The following AQP9 variants were observed in gnomAD, a reference collection of about 807,000 sequenced individuals.
The protein encoded by AQP9 is aquaporin 9.
Under a neutral mutation model 23.8 loss-of-function variants are expected in AQP9, and 19 were observed. That is an observed-to-expected ratio of 0.80 (90% CI 0.56 to 1.17). AQP9 has a LOEUF of 1.17. Among genes scored for constraint, AQP9 ranks in the 50% most tolerant of loss-of-function variants. The pLI is 0.00. For synonymous variants in AQP9, 153 were observed against 131.5 expected, an observed-to-expected ratio of 1.16 and a Z score of -1.12; for missense variants, 413 against 362.0, an observed-to-expected ratio of 1.14 and a Z score of -1.14.
intron 1 of AQP9, chr15:58,150,721 C>T (rs1275061045): frequency 6.6e-6 from 1 of 152,092 alleles, no homozygotes; most frequent in Admixed American, 6.6e-5. Flanking sequence ...TAGAAAAATC[C>T]AGCCCTTATG....
At chr15:58,141,066 A>T (rs753072448) in intron 1 of AQP9, among the ~76,000 whole-genome samples, 29 of 152,180 alleles carry the variant, frequency 1.9e-4, no homozygotes, top group Non-Finnish European at 3.2e-4. Flanking sequence ...GCTAGCTCTA[A>T]TTTGGCCTTT....
At chr15:58,183,687 G>A (rs969589930) in intron 5 of AQP9, among the ~76,000 whole-genome samples, 1 of 151,822 alleles carries the variant, frequency 6.6e-6, no homozygotes, top group African/African-American at 2.4e-5. Flanking sequence ...CTTAACGATG[G>A]GCTCAGGCAC....
At chr15:58,173,257 AAGTC>A (rs1566989337) in intron 3 of AQP9, 52 bp downstream of exon 3, 13 of 1,606,128 alleles carry the variant, frequency 8.1e-6, no homozygotes, top group Non-Finnish European at 1.0e-5. Context: ...CATAATTTGA[AAGTC>A]AGAATTACTT....
rs189987341 is a variant in AQP9 at position 58,163,547 on chromosome 15, C to T, written c.112-3126C>T. On this transcript the variant is annotated intron_variant, in intron 1 of 5. Transcript: ENST00000219919. ...ATAAGTACTTATTGTAGAGTACAAA[C>T]GCTACAGTTGAACTTCAGGGGAGAA... 2.7e-3 allele frequency among the ~76,000 whole-genome samples: 405 copies of T among 152,108 alleles called. 2 individuals are homozygous for T. The highest frequency in any genetic ancestry group is 1.7e-3 in the Non-Finnish European group (118 of 67,996).
At chr15:58,178,281 G>A (rs1292690801) in intron 4 of AQP9, among the ~76,000 whole-genome samples, 2 of 151,844 alleles carry the variant, frequency 1.3e-5, no homozygotes, top group East Asian at 1.9e-4. Flanking sequence ...TTCACTTAAT[G>A]TTATAAGTAT....
chr15:58,146,351 G>A (rs1191417035), intron 1 of AQP9, among the ~76,000 whole-genome samples: 1 of 151,852 alleles, frequency 6.6e-6, no homozygotes, highest in East Asian at 1.9e-4. Flanking sequence ...CTATCTTTCA[G>A]TTCACCAATT....
intron 1 of AQP9, among the ~76,000 whole-genome samples, chr15:58,149,953 A>G (rs1898116694): frequency 6.6e-6 from 1 of 152,250 alleles, no homozygotes; most frequent in African/African-American, 2.4e-5. Flanking sequence ...TGCTTTCTCC[A>G]GGAGCTAGGA....
At chr15:58,156,683 G>C (rs1261741905) in intron 1 of AQP9, among the ~76,000 whole-genome samples, 1 of 152,018 alleles carries the variant, frequency 6.6e-6, no homozygotes, top group Non-Finnish European at 1.5e-5. Context: ...ACTTTCACCT[G>C]GCAACCTTCA....
At chr15:58,164,157 AG>A (rs1898447002) in intron 1 of AQP9, 1 of 152,182 alleles carries the variant, frequency 6.6e-6, no homozygotes, top group East Asian at 1.9e-4. Flanking sequence ...AGAGTGGAAG[AG>A]GGGAGTATTA....
intron 5 of AQP9, among the ~76,000 whole-genome samples, chr15:58,182,876 G>T (rs1898923991): frequency 6.6e-6 from 1 of 152,092 alleles, no homozygotes; most frequent in African/African-American, 2.4e-5. Flanking sequence ...GGGGAATGGG[G>T]GTTTGATTTG....
chr15:58,146,624 T>C (rs1460144385), intron 1 of AQP9: 2 of 152,182 alleles, frequency 1.3e-5, no homozygotes, highest in Non-Finnish European at 2.9e-5. Context: ...GATCTTTTCC[T>C]TTAGTGTTTT....
chr15:58,165,750 G>A (rs1021075020), intron 1 of AQP9, among the ~76,000 whole-genome samples: 1 of 151,994 alleles, frequency 6.6e-6, no homozygotes, highest in Non-Finnish European at 1.5e-5. Context: ...TTCTCAATAT[G>A]GATTTCATTC....
chr15:58,163,387 G>T (rs559419121), intron 1 of AQP9, among the ~76,000 whole-genome samples: 2 of 152,216 alleles, frequency 1.3e-5, no homozygotes, highest in South Asian at 4.1e-4. Flanking sequence ...GAACACCCAA[G>T]GGGACAGAAT....
intron 3 of AQP9, among the ~76,000 whole-genome samples, chr15:58,173,809 T>C (rs977003616): frequency 2.0e-5 from 3 of 152,034 alleles, no homozygotes; most frequent in Admixed American, 6.5e-5. Context: ...CTCTGGAAAA[T>C]GAGGGAATTG....
intron 1 of AQP9, chr15:58,152,693 T>C (rs1422734555): frequency 6.6e-6 from 1 of 152,184 alleles, no homozygotes; most frequent in Non-Finnish European, 1.5e-5. Flanking sequence ...GCAAAAAAGA[T>C]TGATACCCAT....
intron 1 of AQP9, chr15:58,150,919 AGGCTT>A (rs1479314502): frequency 6.6e-6 from 1 of 152,192 alleles, no homozygotes; most frequent in Admixed American, 6.5e-5. Flanking sequence ...TTTTAATCCT[AGGCTT>A]GACTTATGAA....
intron 1 of AQP9, chr15:58,155,554 G>C (rs1235066381): frequency 6.6e-6 from 1 of 152,012 alleles, no homozygotes; most frequent in Non-Finnish European, 1.5e-5. Context: ...TTCACCTTTT[G>C]TTCTTACATG....
At chr15:58,151,096 T>C (rs1461458727) in intron 1 of AQP9, 3 of 152,202 alleles carry the variant, frequency 2.0e-5, no homozygotes, top group African/African-American at 7.2e-5. Flanking sequence ...AATATTAGTC[T>C]ATCAATCCCA....
chr15:58,157,856 G>C (rs983149625), intron 1 of AQP9, among the ~76,000 whole-genome samples: 7 of 152,162 alleles, frequency 4.6e-5, no homozygotes, highest in African/African-American at 1.7e-4. Context: ...AAATATCTCA[G>C]TCATCTCTGA....
Sources: gnomAD v4.1 joint callset for allele counts (sites outside exome capture counted in the v4.1 genomes callset) on GRCh38, gnomAD v4.1.1 for gene constraint, MANE v1.5 for transcripts, NCBI Gene and HGNC (gene_info 2026-07-23, HGNC 2026-07-21) for gene names.